Variants in ADAM2 observed in about 807,000 individuals in gnomAD.
The protein encoded by ADAM2 is disintegrin and metalloproteinase domain-containing protein 2.
A neutral mutation model predicts 99.3 loss-of-function variants in ADAM2; 101 were observed. The ratio of observed to expected loss-of-function variants is 1.02; its 90% CI spans 0.87 to 1.20. The LOEUF is 1.20. Among genes scored for constraint, ADAM2 ranks in the 50% most tolerant of loss-of-function variants. The pLI is 0.00. For missense variants in ADAM2, 948 were observed against 878.7 expected (o/e 1.08, Z -1.00); for synonymous variants, 323 against 287.6 (o/e 1.12, Z -1.25).
chr8:39,792,665 G>C (rs568412491), intron 7 of ADAM2, among the ~76,000 whole-genome samples: 13 of 152,076 alleles, frequency 8.5e-5, no homozygotes, highest in Admixed American at 2.6e-4. Flanking sequence ...AGGCATTGCT[G>C]TTCTACTGGA....
At chr8:39,798,410 GGTTTTTGATGTGCT>G (rs550387039) in intron 7 of ADAM2, among the ~76,000 whole-genome samples, 93 of 152,244 alleles carry the variant, frequency 6.1e-4, no homozygotes, top group Non-Finnish European at 6.5e-4. Context: ...TGGTGGATAA[GGTTTTTGATGTGCT>G]GTTAGATTTG....
chr8:39,788,063 T>C (rs909320335), intron 9 of ADAM2, 22 bp downstream of exon 9: 1 of 1,410,648 alleles, frequency 7.1e-7, no homozygotes, highest in South Asian at 1.7e-5. Flanking sequence ...ATAAACTTTA[T>C]ATAATGTCAA....
intron 7 of ADAM2, among the ~76,000 whole-genome samples, chr8:39,803,508 C>T (rs1466129672): frequency 1.3e-5 from 2 of 152,176 alleles, no homozygotes; most frequent in Non-Finnish European, 2.9e-5. Context: ...AAACAATCCA[C>T]TTTTTTTGAG....
At chr8:39,778,127 T>A (rs948069390) in intron 10 of ADAM2, among the ~76,000 whole-genome samples, 2 of 151,042 alleles carry the variant, frequency 1.3e-5, no homozygotes, top group Non-Finnish European at 3.0e-5. Context: ...TATAGCACAT[T>A]TTGATCACAC....
Position 39,797,330 on chromosome 8 carries a change from G to A in ADAM2, c.571-8590C>T, listed in dbSNP as rs143397776. On this transcript the variant is annotated intron_variant, in intron 7 of 20. Transcript: ENST00000265708. ...GATCCTTTCCTCATTGCTTGTTTTT[G>A]TCAGGATTGTCAAAGACCAGATGGT... Among the ~76,000 whole-genome samples, 774 of 152,200 alleles carry A rather than the reference G, an allele frequency of 5.1e-3. 2 individuals carry two copies. Among genetic ancestry groups the A allele is most frequent in the Middle Eastern group, 0.037 (11 of 294 alleles).
At chr8:39,781,856 T>G (rs1364517138) in intron 10 of ADAM2, among the ~76,000 whole-genome samples, 2 of 152,136 alleles carry the variant, frequency 1.3e-5, no homozygotes, top group Non-Finnish European at 2.9e-5. Context: ...CAACGTGGTG[T>G]TGGTGGAAGG....
At chr8:39,747,017 A>C (rs1255723026) in intron 18 of ADAM2, among the ~76,000 whole-genome samples, 4 of 152,218 alleles carry the variant, frequency 2.6e-5, no homozygotes, top group Admixed American at 2.6e-4. Context: ...GCTTTCTTCC[A>C]AGAATTTGGT....
intron 15 of ADAM2, among the ~76,000 whole-genome samples, chr8:39,760,880 C>A: frequency 1.5e-5 from 1 of 66,402 alleles, no homozygotes. Flanking sequence ...GAGACTCCAT[C>A]TCAAAAAAAA....
intron 16 of ADAM2, among the ~76,000 whole-genome samples, chr8:39,750,478 A>G (rs574289651): frequency 2.0e-5 from 3 of 152,292 alleles, no homozygotes; most frequent in East Asian, 3.9e-4. Flanking sequence ...GCAATTTGCT[A>G]TATTTACATA....
chr8:39,832,314 T>A (rs1805650946), intron 3 of ADAM2, among the ~76,000 whole-genome samples: 1 of 152,170 alleles, frequency 6.6e-6, no homozygotes, highest in Non-Finnish European at 1.5e-5. Flanking sequence ...GTCTATAAAC[T>A]GTTGGCCATG....
Position 39,749,445 on chromosome 8 carries a change from G to A in ADAM2, c.1881C>T (p.Cys627=), listed in dbSNP as rs377289537. ...TTDKCNDRGV[C]NNKKHCHCSA... ...TACAGTGACAGTGCTTTTTGTTATT[G>A]CATACCTAAAAGAAGGAGAAATATC... The change falls in exon 18 of 21, where the codon TGC becomes TGT. Residue 627 remains cysteine, a synonymous_variant. Transcript: ENST00000265708. 1.2e-5 allele frequency: 20 copies of A among 1,610,824 alleles called. No individual in the cohort carries two copies. Among genetic ancestry groups the A allele is most frequent in the Non-Finnish European group, 1.7e-5 (20 of 1,178,118 alleles).
chr8:39,800,695 C>A (rs750493907), intron 7 of ADAM2, among the ~76,000 whole-genome samples: 3 of 152,082 alleles, frequency 2.0e-5, no homozygotes, highest in Non-Finnish European at 2.9e-5. Context: ...TTTATGAAGT[C>A]CCATATTTTT....
intron 4 of ADAM2, 113 bp from the exon 5 acceptor site, chr8:39,821,775 C>A: frequency 1.4e-6 from 1 of 699,422 alleles, no homozygotes; most frequent in Non-Finnish European, 2.4e-6. Context: ...ACTCATGTTT[C>A]AAAAATGGAT....
At chr8:39,812,048 T>A (rs1804724464) in intron 6 of ADAM2, among the ~76,000 whole-genome samples, 1 of 152,132 alleles carries the variant, frequency 6.6e-6, no homozygotes, top group Non-Finnish European at 1.5e-5. Flanking sequence ...CAGCCTAAAA[T>A]CTCCTTAAGC....
intron 11 of ADAM2, among the ~76,000 whole-genome samples, chr8:39,773,055 A>G (rs1437109810): frequency 1.3e-5 from 2 of 151,916 alleles, no homozygotes; most frequent in African/African-American, 4.8e-5. Context: ...ATTATTAAAT[A>G]AGTCTCATGA....
At chr8:39,801,025 T>G (rs1375916987) in intron 7 of ADAM2, among the ~76,000 whole-genome samples, 1 of 152,174 alleles carries the variant, frequency 6.6e-6, no homozygotes, top group Admixed American at 6.5e-5. Flanking sequence ...AATTACTCCA[T>G]ATGATCCTCT....
intron 3 of ADAM2, among the ~76,000 whole-genome samples, chr8:39,829,320 A>C (rs1805529816): frequency 6.6e-6 from 1 of 151,990 alleles, no homozygotes; most frequent in Non-Finnish European, 1.5e-5. Context: ...TCAGATTAGA[A>C]ATATCTTTTG....
intron 6 of ADAM2, among the ~76,000 whole-genome samples, chr8:39,810,395 G>A (rs930938401): frequency 7.2e-5 from 11 of 152,152 alleles, no homozygotes; most frequent in African/African-American, 2.7e-4. Context: ...CGTTAACAAG[G>A]ATATCCAGGA....
In ADAM2 at chr8:39,809,133, T is replaced by C. The variant is rs116227765; in HGVS notation, c.570+277A>G. Reference sequence around the variant, plus strand: ...CAAGCATTATTTTTAAAATTCAGTATAGTTCTAGAATACATACAAGTTTCT... The same window carrying C: ...CAAGCATTATTTTTAAAATTCAGTACAGTTCTAGAATACATACAAGTTTCT... On this transcript the variant is annotated intron_variant, in intron 7 of 20. Coordinates refer to ENST00000265708, the MANE Select transcript of ADAM2 (RefSeq NM_001464.5). 4.5e-3 allele frequency among the ~76,000 whole-genome samples: 678 copies of C among 152,306 alleles called. 6 individuals are homozygous for C. The highest frequency in any genetic ancestry group is 0.015 in the African/African-American group (636 of 41,568).
Sources: gnomAD v4.1 joint callset for allele counts (sites outside exome capture counted in the v4.1 genomes callset) on GRCh38, gnomAD v4.1.1 for gene constraint, MANE v1.5 for transcripts, NCBI Gene and HGNC (gene_info 2026-07-23, HGNC 2026-07-21) for gene names.